Variants in PTPRD observed in about 807,000 individuals in gnomAD.
The protein encoded by PTPRD is receptor-type tyrosine-protein phosphatase delta.
PTPRD carries 34 observed loss-of-function variants against 214.5 expected under a neutral mutation model. The observed-to-expected ratio is 0.16, with a 90% CI of 0.12 to 0.21. PTPRD has a LOEUF of 0.21. Among genes scored for constraint, PTPRD ranks in the 10% least tolerant of loss-of-function variants. The pLI is 1.00. For synonymous variants in PTPRD, 1,128 were observed against 845.7 expected, an observed-to-expected ratio of 1.33 and a Z score of -5.79; for missense variants, 2,545 against 2,398.7, an observed-to-expected ratio of 1.06 and a Z score of -1.27.
intron 3 of PTPRD, among the ~76,000 whole-genome samples, chr9:10,298,714 A>G (rs2095766281): frequency 6.6e-6 from 1 of 152,040 alleles, no homozygotes; most frequent in Non-Finnish European, 1.5e-5. Context: ...AGGTATGTAT[A>G]TATTTAGCAC....
chr9:9,254,528 T>C (rs1277286860), intron 9 of PTPRD, among the ~76,000 whole-genome samples: 1 of 152,094 alleles, frequency 6.6e-6, no homozygotes, highest in African/African-American at 2.4e-5. Context: ...AGGATGGTTA[T>C]AACAAAAGAT....
rs1220014203 is a variant in PTPRD at position 8,316,048 on chromosome 9, C to T, written c.*1826G>A. The T allele has an allele frequency of 8.8e-6, 2 of 228,556 alleles. No homozygotes were observed. The highest frequency in any genetic ancestry group is 3.6e-4 in the South Asian group (2 of 5,488). The allele number at this position is 228,556 out of a possible 1,614,324, so 14.2% of individuals were successfully genotyped here. ...TACTAAAATAAGTTTGGTGCAGTTA[C>T]TGCATGTTCCAGAGCGGATTTGGAA... On this transcript the variant is annotated 3_prime_UTR_variant, in exon 46 of 46. Coordinates refer to ENST00000381196, the MANE Select transcript of PTPRD (RefSeq NM_002839.4).
intron 9 of PTPRD, among the ~76,000 whole-genome samples, chr9:9,295,463 A>C (rs146871537): frequency 2.6e-5 from 4 of 151,808 alleles, no homozygotes; most frequent in Non-Finnish European, 5.9e-5. Context: ...GTATTTTAAA[A>C]TGGTAGTTGT....
At chr9:10,365,143 C>G (rs904795697) in intron 2 of PTPRD, among the ~76,000 whole-genome samples, 1 of 152,074 alleles carries the variant, frequency 6.6e-6, no homozygotes, top group Non-Finnish European at 1.5e-5. Flanking sequence ...ATTGTGGTAC[C>G]TCCTGACTTT....
At chr9:8,748,541 G>GAAA (rs1276346481) in intron 11 of PTPRD, among the ~76,000 whole-genome samples, 2 of 103,002 alleles carry the variant, frequency 1.9e-5, no homozygotes, top group Middle Eastern at 6.2e-3. Flanking sequence ...AAAAAAAAAA[G>GAAA]AAAAAGAAAA....
At chr9:9,041,151 T>C (rs1456665283) in intron 10 of PTPRD, among the ~76,000 whole-genome samples, 1 of 152,114 alleles carries the variant, frequency 6.6e-6, no homozygotes, top group East Asian at 1.9e-4. Context: ...AAATTATAAA[T>C]GGGGGAATAT....
intron 12 of PTPRD, among the ~76,000 whole-genome samples, chr9:8,688,850 T>C (rs2097747771): frequency 1.3e-5 from 2 of 152,196 alleles, no homozygotes; most frequent in South Asian, 4.1e-4. Context: ...CGAATGGTTT[T>C]ATCCAAATAA....
At chr9:8,608,643 A>C (rs1437664758) in intron 14 of PTPRD, among the ~76,000 whole-genome samples, 1 of 152,174 alleles carries the variant, frequency 6.6e-6, no homozygotes, top group Non-Finnish European at 1.5e-5. Context: ...AATCAGCCAG[A>C]ATACTGGAAA....
chr9:9,635,913 T>G (rs2095750985), intron 7 of PTPRD, among the ~76,000 whole-genome samples: 1 of 152,182 alleles, frequency 6.6e-6, no homozygotes, highest in Non-Finnish European at 1.5e-5. Context: ...CTCCCAGTGT[T>G]CATTTTAAGT....
chr9:10,261,055 T>G (rs2093665986), intron 3 of PTPRD, among the ~76,000 whole-genome samples: 1 of 124,164 alleles, frequency 8.1e-6, no homozygotes, highest in East Asian at 2.3e-4. Context: ...ATATTATATA[T>G]GTGTATATAT....
chr9:8,946,181 A>G (rs970771701), intron 11 of PTPRD, among the ~76,000 whole-genome samples: 1 of 152,222 alleles, frequency 6.6e-6, no homozygotes, highest in African/African-American at 2.4e-5. Context: ...ACATCACTTG[A>G]TAGCCATTCC....
rs1358570311 is a variant in PTPRD at position 8,636,679 on chromosome 9, C to G, written c.210+20G>C. The G allele has an allele frequency of 6.2e-7, 1 of 1,611,766 alleles. No homozygotes were observed. Among genetic ancestry groups the G allele is most frequent in the Non-Finnish European group, 8.5e-7 (1 of 1,178,230 alleles). ...CAGATACATTCTTCCCCCAGAGAAA[C>G]AGAACAATGGACCTAATACCTCAAA... is the stretch of plus-strand genomic sequence containing the variant. On this transcript the variant is annotated intron_variant, in intron 13 of 45. Transcript: ENST00000381196.
chr9:8,548,849 C>T (rs895893046), intron 14 of PTPRD, among the ~76,000 whole-genome samples: 2 of 151,732 alleles, frequency 1.3e-5, no homozygotes, highest in African/African-American at 4.8e-5. Context: ...CATGCACCAC[C>T]ATGCCCAGCT....
At chr9:8,680,863 T>C (rs980895872) in intron 12 of PTPRD, among the ~76,000 whole-genome samples, 3 of 152,082 alleles carry the variant, frequency 2.0e-5, no homozygotes, top group African/African-American at 4.8e-5. Flanking sequence ...AAATCCAACA[T>C]GTAGTCGAAT....
chr9:10,414,122 A>G (rs2098464237), intron 2 of PTPRD, among the ~76,000 whole-genome samples: 1 of 152,036 alleles, frequency 6.6e-6, no homozygotes, highest in Non-Finnish European at 1.5e-5. Context: ...AATTAAACTT[A>G]AGAGCTTGGG....
At chr9:8,495,457 T>C (rs1023874045) in intron 26 of PTPRD, among the ~76,000 whole-genome samples, 8 of 152,228 alleles carry the variant, frequency 5.3e-5, no homozygotes, top group Non-Finnish European at 8.8e-5. Flanking sequence ...CCTGCTTTCC[T>C]ATCTGCCACC....
chr9:10,453,303 T>C (rs891819576), intron 2 of PTPRD, among the ~76,000 whole-genome samples: 2 of 151,656 alleles, frequency 1.3e-5, no homozygotes, highest in African/African-American at 4.8e-5. Context: ...ATTCATGAGA[T>C]TTTGTGGTTC....
At chr9:9,472,892 A>G (rs143054148) in intron 8 of PTPRD, among the ~76,000 whole-genome samples, 233 of 152,320 alleles carry the variant, frequency 1.5e-3, no homozygotes, top group Admixed American at 2.7e-3. Context: ...GTGATATATT[A>G]TTACATGTAT....
At chr9:10,312,847 T>C (rs1311907930) in intron 3 of PTPRD, among the ~76,000 whole-genome samples, 1 of 151,964 alleles carries the variant, frequency 6.6e-6, no homozygotes, top group Non-Finnish European at 1.5e-5. Flanking sequence ...ATGTGAAAGT[T>C]TGAAATGTAA....
Sources: allele counts gnomAD v4.1 joint callset (sites outside exome capture counted in the v4.1 genomes callset), GRCh38; gene constraint gnomAD v4.1.1; transcripts MANE v1.5; gene names NCBI Gene and HGNC (gene_info 2026-07-23, HGNC 2026-07-21).